The following PTPRD variants were observed in gnomAD, a reference collection of about 807,000 sequenced individuals.
The protein encoded by PTPRD is receptor-type tyrosine-protein phosphatase delta.
In PTPRD, 34 loss-of-function variants were observed where a neutral mutation model predicts 214.5. That is an observed-to-expected ratio of 0.16 (90% confidence interval 0.12 to 0.21). The LOEUF (loss-of-function observed/expected upper bound fraction) is 0.21, where lower values mean the gene tolerates loss of function less well. Among genes scored for constraint, PTPRD ranks in the 10% least tolerant of loss-of-function variants. The pLI, the probability that PTPRD is intolerant of heterozygous loss-of-function variation, is 1.00. For missense variants in PTPRD, 2,545 were observed against 2,398.7 expected (o/e 1.06, Z -1.27); for synonymous variants, 1,128 against 845.7 (o/e 1.33, Z -5.79).
intron 9 of PTPRD, among the ~76,000 whole-genome samples, chr9:9,328,520 A>G (rs927281510): frequency 6.6e-6 from 1 of 151,414 alleles, no homozygotes; most frequent in African/African-American, 2.4e-5. Flanking sequence ...AAATCTGTCA[A>G]TTTAGCATAT....
At chr9:9,569,785 T>A (rs1017664097) in intron 8 of PTPRD, among the ~76,000 whole-genome samples, 6 of 151,268 alleles carry the variant, frequency 4.0e-5, no homozygotes, top group African/African-American at 1.5e-4. Flanking sequence ...TCATATAGAG[T>A]AAGTATTAAA....
rs568424567 is a variant in PTPRD, at chr9:10,101,227, A to G, written c.-544-67437T>C. Among the ~76,000 whole-genome samples the G allele has an allele frequency of 2.9e-4, 44 of 151,770 alleles. 1 individual carries two copies. The South Asian group carries it at 9.1e-3, about 31-fold the overall frequency. On this transcript the variant is annotated intron_variant, in intron 3 of 45. Transcript: ENST00000381196. ...GAGGTGTTAGCCTAGAAAGCAAGTAAAAGTAGATTTACTATGGGACTCGCT... is the reference window on the plus strand; with the variant it reads ...GAGGTGTTAGCCTAGAAAGCAAGTAGAAGTAGATTTACTATGGGACTCGCT...
chr9:9,338,292 ATTC>A (rs772718271), intron 9 of PTPRD, among the ~76,000 whole-genome samples: 5 of 152,192 alleles, frequency 3.3e-5, no homozygotes, highest in Non-Finnish European at 7.4e-5. Flanking sequence ...TAGGAATTCC[ATTC>A]TTAAGAATAT....
intron 12 of PTPRD, among the ~76,000 whole-genome samples, chr9:8,705,115 T>G (rs143766865): frequency 6.6e-6 from 1 of 152,180 alleles, no homozygotes; most frequent in Non-Finnish European, 1.5e-5. Context: ...AAGGGCTCAG[T>G]GTTGACCACT....
intron 7 of PTPRD, among the ~76,000 whole-genome samples, chr9:9,724,961 C>A (rs1397944055): frequency 6.6e-6 from 1 of 152,086 alleles, no homozygotes; most frequent in African/African-American, 2.4e-5. Flanking sequence ...TTGGGAGACT[C>A]GCAGAGTTTA....
chr9:9,718,944 C>G (rs1014380095), intron 7 of PTPRD, among the ~76,000 whole-genome samples: 1 of 152,196 alleles, frequency 6.6e-6, no homozygotes, highest in Non-Finnish European at 1.5e-5. Flanking sequence ...AAGTGGGAAG[C>G]TGTGGGTCCC....
chr9:8,987,506 A>G (rs1032751264), intron 11 of PTPRD, among the ~76,000 whole-genome samples: 3 of 152,160 alleles, frequency 2.0e-5, no homozygotes, highest in South Asian at 4.1e-4. Context: ...GAAGAGAAAG[A>G]AAAGTGCTGT....
intron 7 of PTPRD, among the ~76,000 whole-genome samples, chr9:9,717,024 T>C (rs1017115496): frequency 6.6e-6 from 1 of 152,218 alleles, no homozygotes; most frequent in Admixed American, 6.5e-5. Context: ...AATTGATTTT[T>C]GTATAAGGTG....
intron 5 of PTPRD, among the ~76,000 whole-genome samples, chr9:9,783,819 G>GTTTTT (rs71485303): frequency 7.3e-6 from 1 of 137,472 alleles, no homozygotes; most frequent in Non-Finnish European, 1.6e-5. Flanking sequence ...CTCCTGCTTC[G>GTTTTT]TTTTTTTTTT....
At chr9:8,940,715 A>G (rs2154294402) in intron 11 of PTPRD, among the ~76,000 whole-genome samples, 1 of 152,164 alleles carries the variant, frequency 6.6e-6, no homozygotes, top group South Asian at 2.1e-4. Flanking sequence ...GACACTCTCC[A>G]TCTTTCCCAA....
intron 5 of PTPRD, among the ~76,000 whole-genome samples, chr9:9,878,485 G>A (rs1188729088): frequency 6.6e-6 from 1 of 152,150 alleles, no homozygotes; most frequent in Admixed American, 6.6e-5. Context: ...GGATGAATAG[G>A]CATTATCCAG....
chr9:9,652,805 G>C (rs941513047), intron 7 of PTPRD, among the ~76,000 whole-genome samples: 2 of 151,340 alleles, frequency 1.3e-5, no homozygotes, highest in East Asian at 3.9e-4. Context: ...GTAGTGATGG[G>C]GCTTCACCAT....
At chr9:8,736,398 T>C (rs1360579600) in intron 11 of PTPRD, among the ~76,000 whole-genome samples, 1 of 152,190 alleles carries the variant, frequency 6.6e-6, no homozygotes, top group African/African-American at 2.4e-5. Flanking sequence ...CAGTATTCAT[T>C]TGCAAAATGA....
chr9:9,844,946 G>A (rs1004794756), intron 5 of PTPRD, among the ~76,000 whole-genome samples: 4 of 149,894 alleles, frequency 2.7e-5, no homozygotes, highest in African/African-American at 4.9e-5. Flanking sequence ...TAACTTGGAC[G>A]GTCTATTTTA....
chr9:9,808,631 A>C lies in PTPRD; in HGVS notation c.-367-41780T>G, dbSNP rs147390670. Among the ~76,000 whole-genome samples, 102 of 152,212 alleles carry C rather than the reference A, an allele frequency of 6.7e-4. 1 individual carries two copies. In the East Asian group the frequency reaches 0.016, roughly 24 times the overall value. ...TTCCTTTAACTTGCTTATCCCATTCAGTTTTTTAAATAAAATCGTTTAAAA... is the reference window on the plus strand; with the variant it reads ...TTCCTTTAACTTGCTTATCCCATTCCGTTTTTTAAATAAAATCGTTTAAAA... On this transcript the variant is annotated intron_variant, in intron 5 of 45. Transcript: ENST00000381196.
At chr9:9,033,902 A>T (rs145565384) in intron 10 of PTPRD, among the ~76,000 whole-genome samples, 215 of 152,244 alleles carry the variant, frequency 1.4e-3, no homozygotes, top group African/African-American at 5.0e-3. Context: ...AACCCATTGA[A>T]ATCAAACAAT....
At chr9:10,442,513 G>T (rs962884142) in intron 2 of PTPRD, among the ~76,000 whole-genome samples, 2 of 151,594 alleles carry the variant, frequency 1.3e-5, no homozygotes, top group African/African-American at 4.8e-5. Context: ...TGACTCTAAA[G>T]CTATAGGTAG....
chr9:9,931,670 A>G (rs1267553553), intron 5 of PTPRD, among the ~76,000 whole-genome samples: 2 of 151,226 alleles, frequency 1.3e-5, no homozygotes, highest in Non-Finnish European at 2.9e-5. Context: ...ACCATTGCCC[A>G]GGCGTGCTTA....
At chr9:10,590,952 A>C (rs1441199069) in intron 2 of PTPRD, among the ~76,000 whole-genome samples, 1 of 151,530 alleles carries the variant, frequency 6.6e-6, no homozygotes, top group Non-Finnish European at 1.5e-5. Flanking sequence ...GGTTATACCT[A>C]AATAAAGCTG....
Sources: gnomAD v4.1 joint callset for allele counts (sites outside exome capture counted in the v4.1 genomes callset) on GRCh38, gnomAD v4.1.1 for gene constraint, MANE v1.5 for transcripts, NCBI Gene and HGNC (gene_info 2026-07-23, HGNC 2026-07-21) for gene names.